PDE8B: variants seen among roughly 807,000 people sequenced by gnomAD.
PDE8B encodes the protein phosphodiesterase 8B.
PDE8B carries 26 observed loss-of-function variants against 101.3 expected under a neutral mutation model. That is an observed-to-expected ratio of 0.26 (90% confidence interval 0.19 to 0.36). PDE8B has a LOEUF of 0.36. Ranked by LOEUF, PDE8B falls within the 10% of genes least tolerant of loss-of-function variation. PDE8B has a pLI of 1.00. For synonymous variants in PDE8B, 424 were observed against 429.3 expected (o/e 0.99, Z 0.15); for missense variants, 810 against 1,163.1 (o/e 0.70, Z 4.42).
intron 1 of PDE8B, among the ~76,000 whole-genome samples, chr5:77,257,138 G>A (rs1296703403): frequency 6.6e-6 from 1 of 151,972 alleles, no homozygotes; most frequent in East Asian, 1.9e-4. Context: ...AAAGAAAACA[G>A]AAAAAGGGGA....
chr5:77,102,147 C>T, the PDE8B span, among the ~76,000 whole-genome samples: 15 of 152,316 alleles, frequency 9.8e-5, no homozygotes, highest in East Asian at 2.5e-3. Context: ...ATATCGTGTG[C>T]GAGTGAAATG....
intron 10 of PDE8B, among the ~76,000 whole-genome samples, chr5:77,365,221 A>G (rs1425616237): frequency 6.6e-6 from 1 of 152,166 alleles, no homozygotes; most frequent in Non-Finnish European, 1.5e-5. Context: ...CAACAAAAAC[A>G]GAGGCTCTGA....
chr5:77,424,483 A>G (rs1031174527), intron 20 of PDE8B, among the ~76,000 whole-genome samples: 30 of 152,218 alleles, frequency 2.0e-4, no homozygotes, highest in African/African-American at 7.0e-4. Flanking sequence ...GCCTTAGTTT[A>G]ATGTGCAGAA....
At chr5:77,381,251 C>T (rs553943732) in intron 10 of PDE8B, among the ~76,000 whole-genome samples, 10 of 152,294 alleles carry the variant, frequency 6.6e-5, no homozygotes, top group Admixed American at 3.3e-4. Context: ...CTGGGTTGGG[C>T]AGGTATTGCC....
At chr5:77,334,721 C>T (rs930304599) in intron 5 of PDE8B, among the ~76,000 whole-genome samples, 2 of 152,212 alleles carry the variant, frequency 1.3e-5, no homozygotes, top group African/African-American at 4.8e-5. Context: ...CTTGCCAGAG[C>T]TCACACTCAT....
chr5:77,361,765 C>T (rs1001471125), intron 10 of PDE8B, among the ~76,000 whole-genome samples: 21 of 152,126 alleles, frequency 1.4e-4, no homozygotes, highest in African/African-American at 4.3e-4. Context: ...CCACCCGCCT[C>T]GGCCTCCTAA....
Position 77,351,260 on chromosome 5 carries a change from G to T in PDE8B, c.1106+107G>T. The T allele has an allele frequency of 2.3e-5, 19 of 843,798 alleles. No homozygotes were observed. The South Asian group carries it at 2.7e-4, about 12-fold the overall frequency. 52.3% of individuals were successfully genotyped at this position (843,798 alleles called of 1,614,324 possible). A position where few individuals can be genotyped will look rare whatever the true frequency, so the allele number is the denominator to read the frequency against. On this transcript the variant is annotated intron_variant, in intron 9 of 21. Coordinates refer to ENST00000264917, the MANE Select transcript of PDE8B (RefSeq NM_003719.5). ...GAGCCTTACATCCACAAATGCAGTA[G>T]GGTTGTGCTGAATGTAGTATAGATC... is the stretch of plus-strand genomic sequence containing the variant.
chr5:77,137,468 G>A, the PDE8B span, among the ~76,000 whole-genome samples: 1 of 152,302 alleles, frequency 6.6e-6, no homozygotes, highest in Admixed American at 6.5e-5. Flanking sequence ...AAACAGATAT[G>A]AGATGCTCTG....
At chr5:77,272,754 G>A (rs1282830453) in intron 1 of PDE8B, among the ~76,000 whole-genome samples, 5 of 152,274 alleles carry the variant, frequency 3.3e-5, no homozygotes, top group African/African-American at 1.2e-4. Flanking sequence ...TGGTTCAGAG[G>A]GCAGCATAGT....
the PDE8B span, chr5:77,087,750 C>T: frequency 3.3e-5 from 5 of 152,372 alleles, no homozygotes; most frequent in South Asian, 1.0e-3. Context: ...CTTTTCTGGG[C>T]CATGCTCCCT....
rs1780696907 is a variant in PDE8B at position 77,349,419 on chromosome 5, T to C, written c.877T>C (p.Tyr293His). 1 of 1,614,016 alleles carries C rather than the reference T, an allele frequency of 6.2e-7. No individual in the cohort carries two copies. Among genetic ancestry groups the C allele is most frequent in the African/African-American group, 1.3e-5 (1 of 74,904 alleles). Reference protein sequence around the residue: ...EITSDDHVIQYVNPAFERMMG... With the variant: ...EITSDDHVIQHVNPAFERMMG... ...ATCTGTACCAACCTCCCATTAACAG[T>C]ATGTCAACCCAGCCTTCGAAAGGAT... Residue 293 changes from tyrosine to histidine, a missense_variant and splice_region_variant, in exon 8 of 22, where the codon TAT (tyrosine) becomes CAT (histidine). Coordinates refer to ENST00000264917, the MANE Select transcript of PDE8B (RefSeq NM_003719.5).
At chr5:77,287,909 A>G (rs978502524) in intron 1 of PDE8B, among the ~76,000 whole-genome samples, 5 of 152,214 alleles carry the variant, frequency 3.3e-5, no homozygotes, top group East Asian at 1.9e-4. Context: ...TAGTATCTGG[A>G]TCTTCCACGT....
intron 4 of PDE8B, 48 bp from the exon 5 acceptor site, chr5:77,331,354 A>G (rs768390918): frequency 1.3e-6 from 2 of 1,529,128 alleles, no homozygotes; most frequent in South Asian, 2.2e-5. Context: ...AGTGTGAGGA[A>G]TCCTGGTTTG....
chr5:77,403,206 G>A (rs965424864), intron 11 of PDE8B, among the ~76,000 whole-genome samples: 1 of 152,108 alleles, frequency 6.6e-6, no homozygotes, highest in African/African-American at 2.4e-5. Context: ...ACATTAACAT[G>A]ACCGTGCGTT....
At chr5:77,386,663 T>C (rs1339651024) in intron 10 of PDE8B, among the ~76,000 whole-genome samples, 1 of 152,116 alleles carries the variant, frequency 6.6e-6, no homozygotes, top group Non-Finnish European at 1.5e-5. Flanking sequence ...TTTGAGCCTA[T>C]GTGTGTCTTT....
the PDE8B span, among the ~76,000 whole-genome samples, chr5:77,133,268 T>A: frequency 6.6e-6 from 1 of 152,146 alleles, no homozygotes; most frequent in African/African-American, 2.4e-5. Context: ...AGAAGGAGGA[T>A]GAGTAACACA....
chr5:77,328,951 A>C (rs1776590071), intron 3 of PDE8B, 47 bp from the exon 4 acceptor site: 1 of 1,474,668 alleles, frequency 6.8e-7, no homozygotes, highest in East Asian at 2.3e-5. Flanking sequence ...CATTTAATGT[A>C]ACAAAGCCCA....
chr5:77,296,868 C>T (rs939838656), intron 1 of PDE8B, among the ~76,000 whole-genome samples: 9 of 152,136 alleles, frequency 5.9e-5, no homozygotes, highest in Non-Finnish European at 1.0e-4. Context: ...CTCTGCCTCT[C>T]CTCAACCCTC....
At chr5:77,378,009 T>TCTACAC (rs1213489921) in intron 10 of PDE8B, among the ~76,000 whole-genome samples, 5 of 134,486 alleles carry the variant, frequency 3.7e-5, no homozygotes, top group South Asian at 4.7e-4. Context: ...CCTCTCTCTC[T>TCTACAC]ACACACACAC....
Sources: allele counts gnomAD v4.1 joint callset (sites outside exome capture counted in the v4.1 genomes callset), GRCh38; gene constraint gnomAD v4.1.1; transcripts MANE v1.5; gene names NCBI Gene and HGNC (gene_info 2026-07-23, HGNC 2026-07-21).